Variants in TEKT3 observed in about 807,000 individuals in gnomAD.
The protein encoded by TEKT3 is tektin-3.
TEKT3 carries 49 observed loss-of-function variants against 49.8 expected under a neutral mutation model. That is an observed-to-expected ratio of 0.98 (90% CI 0.78 to 1.25). The LOEUF is 1.25. Among genes scored for constraint, TEKT3 ranks in the 50% most tolerant of loss-of-function variants. The pLI, the probability that TEKT3 is intolerant of heterozygous loss-of-function variation, is 0.00. For synonymous variants in TEKT3, 225 were observed against 237.2 expected, an observed-to-expected ratio of 0.95 and a Z score of 0.47; for missense variants, 595 against 629.5, an observed-to-expected ratio of 0.95 and a Z score of 0.59.
At chr17:15,314,317 T>G (rs1341615100) in intron 5 of TEKT3, 87 bp from the exon 6 acceptor site, 1 of 1,538,694 alleles carries the variant, frequency 6.5e-7, no homozygotes, top group East Asian at 2.3e-5. Flanking sequence ...TATTGGGACC[T>G]CTCTCACTGT....
intron 4 of TEKT3, among the ~76,000 whole-genome samples, chr17:15,319,541 A>T (rs1567577703): frequency 6.6e-6 from 1 of 152,232 alleles, no homozygotes; most frequent in African/African-American, 2.4e-5. Context: ...AAAGTAAGTC[A>T]GGGAGGAAAA....
intron 7 of TEKT3, chr17:15,310,862 C>T (rs1375224699): frequency 1.3e-5 from 2 of 152,162 alleles, no homozygotes; most frequent in African/African-American, 2.4e-5. Context: ...TACAACCTGT[C>T]TTCAACCTAC....
intron 6 of TEKT3, among the ~76,000 whole-genome samples, chr17:15,313,356 C>G (rs1910849520): frequency 1.3e-5 from 2 of 152,106 alleles, no homozygotes; most frequent in African/African-American, 4.8e-5. Context: ...ATGGATCCTG[C>G]CCAAAATTGC....
chr17:15,334,154 T>C (rs903152994), intron 2 of TEKT3, among the ~76,000 whole-genome samples: 1 of 152,116 alleles, frequency 6.6e-6, no homozygotes. Context: ...CTTGAACTCC[T>C]AGGCTCAAGC....
intron 4 of TEKT3, among the ~76,000 whole-genome samples, chr17:15,323,069 G>A (rs748119124): frequency 3.3e-5 from 5 of 152,276 alleles, no homozygotes; most frequent in Middle Eastern, 3.4e-3. Flanking sequence ...AGTTCTTATT[G>A]CTGGGGGTGA....
chr17:15,332,778 C>T (rs1911821031), intron 2 of TEKT3, among the ~76,000 whole-genome samples: 1 of 152,140 alleles, frequency 6.6e-6, no homozygotes, highest in African/African-American at 2.4e-5. Context: ...TAAATTGCTA[C>T]CTCAGAGAAG....
rs770720258 is a variant in TEKT3, at chr17:15,319,156, T to C, written c.664-9A>G. On this transcript the variant is annotated splice_polypyrimidine_tract_variant and intron_variant, in intron 4 of 8. Transcript: ENST00000395930. Reference sequence around the variant, plus strand: ...AGAATAGTATCAACTTCCTACTCAATTGGAAAAAAAACATATTAATGTTTT... The same window carrying C: ...AGAATAGTATCAACTTCCTACTCAACTGGAAAAAAAACATATTAATGTTTT... 10 of 1,594,106 alleles carry C rather than the reference T, an allele frequency of 6.3e-6. No homozygotes were observed. The highest frequency in any genetic ancestry group is 2.3e-5 in the South Asian group (2 of 86,360).
intron 7 of TEKT3, 30 bp from the exon 8 acceptor site, chr17:15,308,848 C>T: frequency 1.2e-6 from 2 of 1,607,670 alleles, no homozygotes; most frequent in Non-Finnish European, 8.5e-7. Flanking sequence ...CTGCCTGAGG[C>T]TTTGGTGTGG....
At chr17:15,327,867 C>T in intron 4 of TEKT3, 125 bp downstream of exon 4, 2 of 734,422 alleles carry the variant, frequency 2.7e-6, no homozygotes, top group South Asian at 1.9e-5. Flanking sequence ...TAAATGCTAT[C>T]AGCATCTGAT....
At chr17:15,318,281 G>A (rs551700819) in intron 5 of TEKT3, among the ~76,000 whole-genome samples, 4 of 152,172 alleles carry the variant, frequency 2.6e-5, no homozygotes, top group African/African-American at 7.2e-5. Flanking sequence ...GAGCCACCAC[G>A]CCCGGCCGCC....
intron 8 of TEKT3, among the ~76,000 whole-genome samples, chr17:15,305,798 A>AT (rs1910518191): frequency 6.6e-6 from 1 of 152,120 alleles, no homozygotes; most frequent in African/African-American, 2.4e-5. Flanking sequence ...AAAAAAAAAA[A>AT]AAAAATCGAG....
intron 6 of TEKT3, among the ~76,000 whole-genome samples, chr17:15,313,196 T>C (rs979342664): frequency 6.6e-6 from 1 of 152,238 alleles, no homozygotes; most frequent in Non-Finnish European, 1.5e-5. Flanking sequence ...AAGTAATCCA[T>C]ATACCAGGCA....
intron 2 of TEKT3, among the ~76,000 whole-genome samples, chr17:15,339,067 G>A (rs927468259): frequency 1.3e-5 from 2 of 152,122 alleles, no homozygotes; most frequent in Non-Finnish European, 1.5e-5. Flanking sequence ...CTTTTAAGAG[G>A]TGATTATGTT....
At chr17:15,321,791 G>A (rs1911274926) in intron 4 of TEKT3, among the ~76,000 whole-genome samples, 1 of 152,172 alleles carries the variant, frequency 6.6e-6, no homozygotes, top group Non-Finnish European at 1.5e-5. Flanking sequence ...TCATCTGTGG[G>A]GCTTTGGATG....
chr17:15,307,907 G>A (rs560907382), intron 8 of TEKT3, among the ~76,000 whole-genome samples: 2 of 152,252 alleles, frequency 1.3e-5, no homozygotes, highest in East Asian at 3.9e-4. Context: ...GGGGTAGGGA[G>A]GGAATCTTGG....
chr17:15,318,341 C>T (rs529429061), intron 5 of TEKT3, among the ~76,000 whole-genome samples: 79 of 152,178 alleles, frequency 5.2e-4, no homozygotes, highest in South Asian at 8.3e-4. Flanking sequence ...TTCAAGTAAA[C>T]GACCACTCAT....
chr17:15,310,113 T>C lies in TEKT3; in HGVS notation c.1102-1295A>G, dbSNP rs1351722139. Among the ~76,000 whole-genome samples, 9 of 152,250 alleles carry C rather than the reference T, an allele frequency of 5.9e-5. No individual in the cohort carries two copies. The South Asian group carries it at 1.9e-3, about 31-fold the overall frequency. On this transcript the variant is annotated intron_variant, in intron 7 of 8. Transcript: ENST00000395930. ...ACTAAGGCCTTCTTCAGATACTATG[T>C]GCTCCATGAAACCATCTTGATCTCT... is the stretch of plus-strand genomic sequence containing the variant.
At chr17:15,337,325 GA>G (rs1912021386) in intron 2 of TEKT3, among the ~76,000 whole-genome samples, 3 of 151,080 alleles carry the variant, frequency 2.0e-5, no homozygotes, top group African/African-American at 7.3e-5. Context: ...AATAATGAAG[GA>G]AAAAAATGGA....
chr17:15,310,498 C>A (rs935733145), intron 7 of TEKT3, among the ~76,000 whole-genome samples: 1 of 152,112 alleles, frequency 6.6e-6, no homozygotes, highest in Non-Finnish European at 1.5e-5. Flanking sequence ...GAAATTTGGA[C>A]ACAGACACAC....
Sources: allele counts gnomAD v4.1 joint callset (sites outside exome capture counted in the v4.1 genomes callset), GRCh38; gene constraint gnomAD v4.1.1; transcripts MANE v1.5; gene names NCBI Gene and HGNC (gene_info 2026-07-23, HGNC 2026-07-21).